Variants in CCDC30 observed in about 807,000 individuals in gnomAD.
CCDC30 encodes coiled-coil domain-containing protein 30.
Under a neutral mutation model 100.2 loss-of-function variants are expected in CCDC30, and 70 were observed. The observed-to-expected ratio is 0.70, with a 90% confidence interval of 0.58 to 0.85. The LOEUF is 0.85. Ranked by LOEUF, CCDC30 falls within the 40% of genes least tolerant of loss-of-function variation. The probability of loss-of-function intolerance (pLI) is 0.00; values close to 1 mark genes in which losing one functional copy is unlikely to be tolerated. For missense variants in CCDC30, 652 were observed against 771.2 expected (o/e 0.85, Z 1.83); for synonymous variants, 233 against 269.5 (o/e 0.86, Z 1.33).
downstream of CCDC30, among the ~76,000 whole-genome samples, chr1:42,655,867 C>CTTTTTTTTTTTT: frequency 1.1e-5 from 1 of 87,298 alleles, no homozygotes; most frequent in Non-Finnish European, 2.2e-5. Context: ...GCTGTTTTTA[C>CTTTTTTTTTTTT]TTTTTTTTTT....
chr1:42,655,511 C>A (rs1043919762), downstream of CCDC30, among the ~76,000 whole-genome samples: 1 of 152,050 alleles, frequency 6.6e-6, no homozygotes, highest in Non-Finnish European at 1.5e-5. Context: ...TGCACCAGTG[C>A]ACTCCAGCCT....
chr1:42,601,258 A>G (rs957910958), intron 10 of CCDC30, among the ~76,000 whole-genome samples: 2 of 152,224 alleles, frequency 1.3e-5, no homozygotes, highest in African/African-American at 4.8e-5. Flanking sequence ...TCTTTGAAGG[A>G]CATTTATAGC....
chr1:42,653,409 G>T (rs1338767146), exon 16 of CCDC30: 2 of 1,606,900 alleles, frequency 1.2e-6, no homozygotes, highest in South Asian at 2.2e-5. Context: ...TGAATCCGAA[G>T]TAGTGAATGA....
At chr1:42,463,008 CG>C (rs1643451330), upstream of CCDC30, among the ~76,000 whole-genome samples, 1 of 151,272 alleles carries the variant, frequency 6.6e-6, no homozygotes, top group Admixed American at 6.6e-5. Context: ...TGAGTCCTGG[CG>C]GGAAGTTCTT....
At chr1:42,606,139 T>C (rs72959621) in intron 10 of CCDC30, among the ~76,000 whole-genome samples, 6,475 of 152,278 alleles carry the variant, frequency 0.043, 445 homozygotes, top group African/African-American at 0.14. Flanking sequence ...AGACCATACA[T>C]AGCGTCATTT....
chr1:42,534,328 A>G (rs1297791111), intron 6 of CCDC30, among the ~76,000 whole-genome samples: 2 of 152,186 alleles, frequency 1.3e-5, no homozygotes, highest in African/African-American at 4.8e-5. Context: ...TGAGTGTTGA[A>G]TGCATCAGCA....
chr1:42,541,460 G>A (rs1328707590), intron 6 of CCDC30, among the ~76,000 whole-genome samples: 8 of 152,188 alleles, frequency 5.3e-5, no homozygotes, highest in Non-Finnish European at 1.2e-4. Flanking sequence ...ATTTGGATTT[G>A]TCTGATGTTT....
intron 11 of CCDC30, among the ~76,000 whole-genome samples, chr1:42,624,415 C>T (rs2148661399): frequency 6.6e-6 from 1 of 152,272 alleles, no homozygotes; most frequent in South Asian, 2.1e-4. Flanking sequence ...CCTTGCATCC[C>T]AGGGATAAAT....
chr1:42,550,452 G>A (rs965277917), intron 6 of CCDC30, among the ~76,000 whole-genome samples: 2 of 152,066 alleles, frequency 1.3e-5, no homozygotes, highest in African/African-American at 4.8e-5. Flanking sequence ...TGACCCATAA[G>A]GCCCTCCATG....
rs889041594 is a variant in CCDC30 at position 42,531,281 on chromosome 1, C to T, written c.456+32365C>T. Among the ~76,000 whole-genome samples, 3 of 152,282 alleles carry T rather than the reference C, an allele frequency of 2.0e-5. No homozygotes were observed. The East Asian group carries it at 5.8e-4, about 29-fold the overall frequency. On this transcript the variant is annotated intron_variant, in intron 6 of 16. Transcript: ENST00000668663. ...GATTGTAAGCTTCCTGAGGCCTCCC[C>T]AGCCATGCTTCCTGTAGAGCCTGAG...
intron 9 of CCDC30, among the ~76,000 whole-genome samples, chr1:42,584,094 A>G (rs191057375): frequency 2.0e-4 from 30 of 152,328 alleles, no homozygotes; most frequent in South Asian, 1.5e-3. Flanking sequence ...TTTATAAACT[A>G]TAAAAATGCC....
chr1:42,488,995 G>C (rs952424173), intron 3 of CCDC30, among the ~76,000 whole-genome samples: 3 of 151,440 alleles, frequency 2.0e-5, no homozygotes, highest in African/African-American at 7.3e-5. Flanking sequence ...ACTACTCAGT[G>C]TTCCCTCCTA....
chr1:42,637,367 A>G (rs1295919594), exon 12 of CCDC30: 1 of 1,606,098 alleles, frequency 6.2e-7, no homozygotes, highest in Non-Finnish European at 8.5e-7. Context: ...CCTGCAACAT[A>G]AAATAGAAAA....
intron 11 of CCDC30, among the ~76,000 whole-genome samples, chr1:42,632,734 T>G (rs1647063576): frequency 6.7e-6 from 1 of 148,290 alleles, no homozygotes; most frequent in African/African-American, 2.5e-5. Context: ...TACTCTAGCA[T>G]GGGCAACAAG....
chr1:42,459,298 G>A (rs1056298215), upstream of CCDC30: 1 of 296,818 alleles, frequency 3.4e-6, no homozygotes, highest in Admixed American at 4.7e-5. Context: ...GAGTAGCTGG[G>A]ACTACAGGTG....
At chr1:42,530,246 ACAT>A (rs1644786411) in intron 6 of CCDC30, among the ~76,000 whole-genome samples, 1 of 152,242 alleles carries the variant, frequency 6.6e-6, no homozygotes, top group African/African-American at 2.4e-5. Flanking sequence ...GTGCCATCTC[ACAT>A]CATCTCAAGA....
chr1:42,480,005 C>A (rs1369721396), intron 1 of CCDC30, among the ~76,000 whole-genome samples: 1 of 152,132 alleles, frequency 6.6e-6, no homozygotes, highest in Non-Finnish European at 1.5e-5. Flanking sequence ...TGGGGGACAT[C>A]TCTGGTGCGA....
At chr1:42,579,052 G>A (rs892860760) in intron 8 of CCDC30, among the ~76,000 whole-genome samples, 1 of 151,950 alleles carries the variant, frequency 6.6e-6, no homozygotes, top group Non-Finnish European at 1.5e-5. Flanking sequence ...GTGCAGTGGC[G>A]CTATCTCGGC....
At chr1:42,646,026 C>T in intron 14 of CCDC30, 109 bp from the exon 19 acceptor site, 3 of 1,372,560 alleles carry the variant, frequency 2.2e-6, no homozygotes, top group African/African-American at 2.9e-5. Context: ...TCACATGGAT[C>T]AGAACTATAG....
Sources: allele counts gnomAD v4.1 joint callset (sites outside exome capture counted in the v4.1 genomes callset), GRCh38; gene constraint gnomAD v4.1.1; transcripts MANE v1.5; gene names NCBI Gene and HGNC (gene_info 2026-07-23, HGNC 2026-07-21).